UCHL5: variants seen among roughly 807,000 people sequenced by gnomAD.
UCHL5 encodes ubiquitin carboxyl-terminal hydrolase isozyme L5.
In UCHL5, 34 loss-of-function variants were observed where a neutral mutation model predicts 53.8. That is an observed-to-expected ratio of 0.63 (90% CI 0.48 to 0.84). UCHL5 has a LOEUF of 0.84. Among genes scored for constraint, UCHL5 ranks in the 40% least tolerant of loss-of-function variants. UCHL5 has a pLI of 0.00. For synonymous variants in UCHL5, 111 were observed against 126.3 expected (o/e 0.88, Z 0.81); for missense variants, 290 against 385.6 (o/e 0.75, Z 2.08).
rs1001860878 is a variant in UCHL5 at position 193,036,332 on chromosome 1, A to G, written c.247-6675T>C. ...AACTGGAAACCAAAAAAAAAAAAAA[A>G]AAAAAAAAAAGAACAGGAGTACTAT... On this transcript the variant is annotated intron_variant, in intron 3 of 10. Transcript: ENST00000367454. 2.3e-4 allele frequency among the ~76,000 whole-genome samples: 35 copies of G among 150,132 alleles called. 1 individual carries two copies. The South Asian group carries it at 6.7e-3, about 29-fold the overall frequency.
At chr1:193,023,528 T>C (rs1215865686) in intron 8 of UCHL5, among the ~76,000 whole-genome samples, 1 of 152,176 alleles carries the variant, frequency 6.6e-6, no homozygotes, top group Non-Finnish European at 1.5e-5. Flanking sequence ...TTCCTAACAC[T>C]TATTTAGCAT....
chr1:193,050,869 G>A (rs573367097), intron 2 of UCHL5, among the ~76,000 whole-genome samples: 19 of 151,966 alleles, frequency 1.3e-4, no homozygotes, highest in Non-Finnish European at 2.2e-4. Flanking sequence ...CGATCTTCTC[G>A]CCTCAGCCTC....
At chr1:193,023,080 G>T in intron 8 of UCHL5, 44 bp from the exon 9 acceptor site, 1 of 1,328,232 alleles carries the variant, frequency 7.5e-7, no homozygotes, top group Non-Finnish European at 1.1e-6. Flanking sequence ...TAATAATTGA[G>T]GCTTACATTC....
intron 3 of UCHL5, among the ~76,000 whole-genome samples, chr1:193,036,866 C>A (rs1663690144): frequency 6.6e-6 from 1 of 151,784 alleles, no homozygotes; most frequent in Non-Finnish European, 1.5e-5. Flanking sequence ...GGAAACTACA[C>A]AAACACATAG....
At chr1:193,024,026 C>A in intron 7 of UCHL5, 80 bp from the exon 8 acceptor site, 1 of 1,011,990 alleles carries the variant, frequency 9.9e-7, no homozygotes, top group African/African-American at 1.7e-5. Context: ...TCGTGATTCC[C>A]CTCTTGATTT....
chr1:193,044,033 TC>T (rs1375296575), intron 3 of UCHL5, among the ~76,000 whole-genome samples: 6 of 152,168 alleles, frequency 3.9e-5, no homozygotes, highest in African/African-American at 1.4e-4. Context: ...GATCTGGGGA[TC>T]CCCCCACCAC....
In UCHL5 at chr1:193,013,651, T is replaced by C. The variant is rs1224547397; in HGVS notation, c.*2700A>G. 1.3e-5 allele frequency: 2 copies of C among 152,160 alleles called. No homozygotes were observed. Among genetic ancestry groups the C allele is most frequent in the African/African-American group, 2.4e-5 (1 of 41,450 alleles). The allele number at this position is 152,160 out of a possible 1,614,324, so 9.4% of individuals were successfully genotyped here. On this transcript the variant is annotated 3_prime_UTR_variant, in exon 11 of 11. Transcript: ENST00000367454. ...GAGAATACATTAAAAGCCCTTTTTT[T>C]CCCTCAAATAAACAAAATCCTCCTA...
chr1:193,023,453 A>C (rs1400257184), intron 8 of UCHL5, among the ~76,000 whole-genome samples: 1 of 152,186 alleles, frequency 6.6e-6, no homozygotes, highest in Non-Finnish European at 1.5e-5. Flanking sequence ...ATACCCAGTT[A>C]ACTCTTTGAG....
At chr1:193,027,413 A>T (rs1659686964) in intron 7 of UCHL5, among the ~76,000 whole-genome samples, 2 of 152,184 alleles carry the variant, frequency 1.3e-5, no homozygotes. Context: ...AGCCGGGTGC[A>T]GTGGCTCATG....
intron 3 of UCHL5, among the ~76,000 whole-genome samples, chr1:193,031,156 T>A (rs1055525588): frequency 6.6e-6 from 1 of 152,170 alleles, no homozygotes; most frequent in African/African-American, 2.4e-5. Context: ...ATAAATGTGG[T>A]TGACTAAAAC....
intron 3 of UCHL5, among the ~76,000 whole-genome samples, chr1:193,033,075 C>T (rs1662062837): frequency 6.6e-6 from 1 of 152,100 alleles, no homozygotes; most frequent in Non-Finnish European, 1.5e-5. Flanking sequence ...GAAACATGCA[C>T]ATGTATGTTT....
In UCHL5 at chr1:193,055,115, C is replaced by A. The variant is rs181316051; in HGVS notation, c.77-3298G>T. ...AAGAAGGCTGGATATTGTTGCAAGACAATTCTCAATGGGTTTCTCCTGTTT... is the reference window on the plus strand; with the variant it reads ...AAGAAGGCTGGATATTGTTGCAAGAAAATTCTCAATGGGTTTCTCCTGTTT... On this transcript the variant is annotated intron_variant, in intron 1 of 10. Transcript: ENST00000367454. 9.9e-4 allele frequency among the ~76,000 whole-genome samples: 151 copies of A among 152,274 alleles called. 1 individual carries two copies. Among genetic ancestry groups the A allele is most frequent in the African/African-American group, 3.5e-3 (147 of 41,554 alleles).
intron 3 of UCHL5, among the ~76,000 whole-genome samples, chr1:193,046,608 G>A (rs1165945754): frequency 2.0e-5 from 3 of 149,270 alleles, no homozygotes; most frequent in African/African-American, 4.9e-5. Flanking sequence ...ATTGTTGTAA[G>A]GGATCAGATT....
At chr1:193,057,173 T>C (rs1398648339) in intron 1 of UCHL5, 1 of 152,250 alleles carries the variant, frequency 6.6e-6, no homozygotes, top group Non-Finnish European at 1.5e-5. Flanking sequence ...AGCCTGCTCT[T>C]CACTTGTAAG....
chr1:193,045,315 C>T (rs891131910), intron 3 of UCHL5, among the ~76,000 whole-genome samples: 1 of 152,174 alleles, frequency 6.6e-6, no homozygotes, highest in Non-Finnish European at 1.5e-5. Flanking sequence ...CTGCCCAAAC[C>T]TCATGTTGAA....
intron 1 of UCHL5, 39 bp from the exon 2 acceptor site, chr1:193,051,856 T>TTA: frequency 7.0e-7 from 1 of 1,437,828 alleles, no homozygotes; most frequent in Non-Finnish European, 9.5e-7. Flanking sequence ...AACAGGATAA[T>TTA]TCATTTTTTC....
chr1:193,033,574 C>G (rs916588639), intron 3 of UCHL5, among the ~76,000 whole-genome samples: 1 of 151,666 alleles, frequency 6.6e-6, no homozygotes, highest in Non-Finnish European at 1.5e-5. Flanking sequence ...TGAGTCACAG[C>G]TATAGCAATA....
chr1:193,051,859 AT>A (rs778785503), intron 1 of UCHL5, 42 bp from the exon 2 acceptor site: 1 of 1,409,540 alleles, frequency 7.1e-7, no homozygotes, highest in South Asian at 1.3e-5. Flanking sequence ...AGGATAATTC[AT>A]TTTTTCCTTC....
At chr1:193,025,601 C>A (rs1658895243) in intron 7 of UCHL5, among the ~76,000 whole-genome samples, 1 of 152,124 alleles carries the variant, frequency 6.6e-6, no homozygotes, top group African/African-American at 2.4e-5. Flanking sequence ...CTCTGCCCAG[C>A]AATAACAAGG....
Sources: gnomAD v4.1 joint callset for allele counts (sites outside exome capture counted in the v4.1 genomes callset) on GRCh38, gnomAD v4.1.1 for gene constraint, MANE v1.5 for transcripts, NCBI Gene and HGNC (gene_info 2026-07-23, HGNC 2026-07-21) for gene names.